LRIF1: variants seen among roughly 807,000 people sequenced by gnomAD.
The protein encoded by LRIF1 is ligand dependent nuclear receptor interacting factor 1.
A neutral mutation model predicts 52.7 loss-of-function variants in LRIF1; 32 were observed. The ratio of observed to expected loss-of-function variants is 0.61; its 90% CI spans 0.46 to 0.82. The LOEUF (loss-of-function observed/expected upper bound fraction) is 0.82. LRIF1 is among the 40% of genes least tolerant of loss of function. The pLI is 0.00. For synonymous variants in LRIF1, 323 were observed against 317.4 expected (o/e 1.02, Z -0.19); for missense variants, 887 against 892.0 (o/e 0.99, Z 0.07).
chr1:110,889,332 A>G, the LRIF1 span, among the ~76,000 whole-genome samples: 1 of 151,940 alleles, frequency 6.6e-6, no homozygotes, highest in Non-Finnish European at 1.5e-5. Context: ...TGAGACGGGT[A>G]GATCACCAGG....
chr1:110,955,456 C>T (rs1423892061), intron 1 of LRIF1, among the ~76,000 whole-genome samples: 1 of 152,184 alleles, frequency 6.6e-6, no homozygotes, highest in East Asian at 1.9e-4. Context: ...CTGCTTAAAA[C>T]ATTGCAGTGG....
chr1:110,958,090 A>G (rs1658780869), intron 1 of LRIF1, among the ~76,000 whole-genome samples: 1 of 152,158 alleles, frequency 6.6e-6, no homozygotes, highest in Non-Finnish European at 1.5e-5. Flanking sequence ...CTCTTGTTCA[A>G]AGTTTTAGTA....
the LRIF1 span, chr1:110,938,361 T>C: frequency 2.6e-5 from 4 of 152,156 alleles, no homozygotes; most frequent in Non-Finnish European, 4.4e-5. Flanking sequence ...TAATTCATCA[T>C]GACTAAGTGG....
At chr1:110,946,367 GGTTT>G (rs1285458417), downstream of LRIF1, among the ~76,000 whole-genome samples, 7 of 152,260 alleles carry the variant, frequency 4.6e-5, no homozygotes, top group East Asian at 9.6e-4. Context: ...ATGGGTATAA[GGTTT>G]GTTTGGGGGA....
the LRIF1 span, among the ~76,000 whole-genome samples, chr1:110,909,910 A>C: frequency 2.0e-5 from 3 of 152,132 alleles, no homozygotes; most frequent in African/African-American, 7.2e-5. Flanking sequence ...CAGACAAAAC[A>C]GACTTTAAAC....
intron 1 of LRIF1, among the ~76,000 whole-genome samples, chr1:110,956,005 T>C (rs1167298632): frequency 1.3e-5 from 2 of 152,214 alleles, no homozygotes; most frequent in African/African-American, 4.8e-5. Flanking sequence ...AGAGATTATG[T>C]GCATTTTCAG....
Position 110,963,704 on chromosome 1 carries a change from G to A in LRIF1, c.-16C>T. Reference sequence around the variant, plus strand: ...TATTTGACATTTTAGTGGGGAGAAAGGGGACACCTCATCCAGAAAAGTGGG... The same window carrying A: ...TATTTGACATTTTAGTGGGGAGAAAAGGGACACCTCATCCAGAAAAGTGGG... On this transcript the variant is annotated 5_prime_UTR_variant, in exon 1 of 4. Coordinates refer to ENST00000369763, the MANE Select transcript of LRIF1 (RefSeq NM_018372.4). 3 of 1,592,076 alleles carry A rather than the reference G, an allele frequency of 1.9e-6. No individual in the cohort carries two copies. Among genetic ancestry groups the A allele is most frequent in the East Asian group, 2.3e-5 (1 of 44,356 alleles).
the LRIF1 span, among the ~76,000 whole-genome samples, chr1:110,922,369 G>C: frequency 1.3e-5 from 2 of 152,190 alleles, no homozygotes; most frequent in East Asian, 3.9e-4. Flanking sequence ...GCAATGTTAT[G>C]ATGCAGCAAG....
chr1:110,894,347 T>G, the LRIF1 span: 3 of 1,614,102 alleles, frequency 1.9e-6, no homozygotes. Flanking sequence ...TGCTGCTGAT[T>G]ATCCTCCTTG....
At position 110,963,755 on chromosome 1, in the gene LRIF1, G is replaced by C; in HGVS notation, c.-67C>G. 7.7e-7 allele frequency: 1 copy of C among 1,294,282 alleles called. No individual in the cohort carries two copies. The highest frequency in any genetic ancestry group is 1.1e-6 in the Non-Finnish European group (1 of 911,804). 80.2% of individuals were successfully genotyped at this position (1,294,282 alleles called of 1,614,324 possible). ...AAGCGTGGGGCCGAGTTTCCCAATGGGGCGAGAACCAGAGCGAGGGAATGT... is the reference window on the plus strand; with the variant it reads ...AAGCGTGGGGCCGAGTTTCCCAATGCGGCGAGAACCAGAGCGAGGGAATGT... On this transcript the variant is annotated 5_prime_UTR_variant, in exon 1 of 4. Coordinates refer to ENST00000369763, the MANE Select transcript of LRIF1 (RefSeq NM_018372.4).
chr1:110,948,033 T>C lies in LRIF1; in HGVS notation c.2236A>G (p.Arg746Gly). ...TCTCTCAGCACCTGCTTAAGTCTTCTTATTTTTTCATCTCGAATGGTTTCT... is the reference window on the plus strand; with the variant it reads ...TCTCTCAGCACCTGCTTAAGTCTTCCTATTTTTTCATCTCGAATGGTTTCT... ...LEETIRDEKI[R>G]RLKQVLREKE... is the part of the protein sequence containing the mutation. Residue 746 changes from arginine (R) to glycine (G), a missense_variant, in exon 4 of 4, where the codon AGA (arginine) becomes GGA (glycine). Physicochemically the swap from Arg to Gly is moderately radical, Grantham distance 125. Coordinates refer to ENST00000369763, the MANE Select transcript of LRIF1 (RefSeq NM_018372.4). 6.2e-7 allele frequency: 1 copy of C among 1,613,330 alleles called. No homozygotes were observed. Among genetic ancestry groups the C allele is most frequent in the Non-Finnish European group, 8.5e-7 (1 of 1,179,848 alleles).
chr1:110,925,003 AAACACCTTTT>A, the LRIF1 span, among the ~76,000 whole-genome samples: 22 of 152,376 alleles, frequency 1.4e-4, 2 homozygotes, highest in African/African-American at 4.3e-4. Flanking sequence ...TTATTAAAAC[AAACACCTTTT>A]AATGAACTAG....
At chr1:110,953,026 G>A (rs764324764) in intron 1 of LRIF1, 37 of 223,132 alleles carry the variant, frequency 1.7e-4, no homozygotes, top group Non-Finnish European at 2.6e-4. Context: ...CAATGGGTAT[G>A]AGATAATAAC....
At chr1:110,878,792 A>T in the LRIF1 span, among the ~76,000 whole-genome samples, 1 of 152,210 alleles carries the variant, frequency 6.6e-6, no homozygotes, top group African/African-American at 2.4e-5. Context: ...ATTTTCCAAC[A>T]TGTCTTAACA....
the LRIF1 span, among the ~76,000 whole-genome samples, chr1:110,895,825 A>T: frequency 6.6e-6 from 1 of 152,216 alleles, no homozygotes; most frequent in Non-Finnish European, 1.5e-5. Flanking sequence ...GTGTCATCTC[A>T]TCTAATTCCC....
chr1:110,916,289 T>A, the LRIF1 span, among the ~76,000 whole-genome samples: 5 of 152,108 alleles, frequency 3.3e-5, no homozygotes, highest in African/African-American at 1.2e-4. Flanking sequence ...ACAGGAAAGG[T>A]GGCAAATGAA....
intron 1 of LRIF1, among the ~76,000 whole-genome samples, chr1:110,954,344 A>T (rs971533500): frequency 2.0e-5 from 3 of 152,024 alleles, no homozygotes; most frequent in African/African-American, 7.2e-5. Context: ...GTAGGTGTAC[A>T]ATCTTGGCTC....
the LRIF1 span, among the ~76,000 whole-genome samples, chr1:110,918,659 A>G: frequency 6.6e-6 from 1 of 152,190 alleles, no homozygotes; most frequent in Non-Finnish European, 1.5e-5. Context: ...TCCAAGGCCA[A>G]TTTTATGAGA....
chr1:110,885,922 C>T, the LRIF1 span, among the ~76,000 whole-genome samples: 10 of 151,990 alleles, frequency 6.6e-5, no homozygotes, highest in East Asian at 1.9e-4. Flanking sequence ...AAAAGTATTG[C>T]GCATTTATTC....
Sources: allele counts gnomAD v4.1 joint callset (sites outside exome capture counted in the v4.1 genomes callset), GRCh38; gene constraint gnomAD v4.1.1; transcripts MANE v1.5; gene names NCBI Gene and HGNC (gene_info 2026-07-23, HGNC 2026-07-21).